NRXN3: variants seen among roughly 807,000 people sequenced by gnomAD.
NRXN3 encodes neurexin 3.
NRXN3 carries 32 observed loss-of-function variants against 137.6 expected under a neutral mutation model. The ratio of observed to expected loss-of-function variants is 0.23; its 90% CI spans 0.18 to 0.31. The LOEUF (loss-of-function observed/expected upper bound fraction) is 0.31. Ranked by LOEUF, NRXN3 falls within the 10% of genes least tolerant of loss-of-function variation. The pLI, the probability that NRXN3 is intolerant of heterozygous loss-of-function variation, is 1.00. For synonymous variants in NRXN3, 798 were observed against 784.5 expected (o/e 1.02, Z -0.29); for missense variants, 1,574 against 2,062.5 (o/e 0.76, Z 4.59).
chr14:79,225,989 G>C (rs2070788267), intron 15 of NRXN3, among the ~76,000 whole-genome samples: 1 of 152,046 alleles, frequency 6.6e-6, no homozygotes, highest in Non-Finnish European at 1.5e-5. Context: ...AGATAATCCA[G>C]GATTATCTCC....
chr14:79,183,130 T>C (rs1183650767), intron 15 of NRXN3, among the ~76,000 whole-genome samples: 1 of 152,230 alleles, frequency 6.6e-6, no homozygotes, highest in African/African-American at 2.4e-5. Flanking sequence ...ACTTTTATTT[T>C]TTATACCCTT....
intron 16 of NRXN3, among the ~76,000 whole-genome samples, chr14:79,483,971 C>A (rs757240077): frequency 3.9e-5 from 6 of 152,156 alleles, no homozygotes; most frequent in Non-Finnish European, 8.8e-5. Flanking sequence ...TGTGGGTGTC[C>A]ATATGGAAGT....
chr14:78,490,211 C>T (rs1294469008), intron 4 of NRXN3, among the ~76,000 whole-genome samples: 1 of 25,112 alleles, frequency 4.0e-5, no homozygotes, highest in Non-Finnish European at 8.5e-5. Flanking sequence ...CCACACCCGG[C>T]CTCCCAAAGT....
intron 10 of NRXN3, among the ~76,000 whole-genome samples, chr14:78,815,625 T>G (rs890546048): frequency 6.6e-6 from 1 of 152,068 alleles, no homozygotes; most frequent in African/African-American, 2.4e-5. Flanking sequence ...AGCTGCAGTT[T>G]ATTATACTGG....
intron 16 of NRXN3, among the ~76,000 whole-genome samples, chr14:79,530,593 G>GTT (rs199958147): frequency 0.023 from 3,241 of 140,464 alleles, 142 homozygotes; most frequent in East Asian, 0.18. Flanking sequence ...GAGGTTTTTT[G>GTT]TTTTTTTTTT....
intron 15 of NRXN3, among the ~76,000 whole-genome samples, chr14:79,248,279 A>G (rs1477854860): frequency 6.6e-6 from 1 of 152,046 alleles, no homozygotes; most frequent in Non-Finnish European, 1.5e-5. Flanking sequence ...ATCCCATTTC[A>G]TGCCCCCACA....
intron 15 of NRXN3, among the ~76,000 whole-genome samples, chr14:79,378,250 G>T (rs935356592): frequency 5.9e-5 from 9 of 152,160 alleles, no homozygotes; most frequent in African/African-American, 2.2e-4. Flanking sequence ...CTGAGAAAAT[G>T]TTGATGACTC....
rs1415139425 is a variant in NRXN3, at chr14:78,966,246, G to T, written c.2617G>T (p.Val873Phe). 3 of 1,614,054 alleles carry T rather than the reference G, an allele frequency of 1.9e-6. No individual in the cohort carries two copies. The highest frequency in any genetic ancestry group is 2.5e-6 in the Non-Finnish European group (3 of 1,180,032). Residue 873 changes from valine to phenylalanine, a missense_variant, in exon 12 of 21, where the codon GTC (valine) becomes TTC (phenylalanine). Around this residue, in one of 5 missense-constraint regions of NRXN3, gnomAD observed 718 missense variants for 887.6 expected, o/e 0.81. Transcript: ENST00000335750. ...FGLRNIIADP[V>F]TFKTKSSYLS... ...ACTGAGGAACATCATCGCTGACCCTGTCACCTTTAAGACCAAGAGCAGCTA... is the reference window on the plus strand; with the variant it reads ...ACTGAGGAACATCATCGCTGACCCTTTCACCTTTAAGACCAAGAGCAGCTA...
intron 15 of NRXN3, among the ~76,000 whole-genome samples, chr14:79,266,322 CAA>C (rs889074246): frequency 1.3e-5 from 2 of 151,932 alleles, no homozygotes; most frequent in Non-Finnish European, 2.9e-5. Flanking sequence ...CATGACTTTT[CAA>C]AAGCCTTCTG....
intron 15 of NRXN3, among the ~76,000 whole-genome samples, chr14:79,248,238 C>G (rs899367158): frequency 1.1e-4 from 17 of 152,136 alleles, no homozygotes; most frequent in Non-Finnish European, 2.9e-5. Flanking sequence ...CCAGGCCCTT[C>G]TTCATCTGCT....
rs80183470 is a variant in NRXN3, at chr14:79,206,265, C to G, written c.3262+218124C>G. Among the ~76,000 whole-genome samples, 1,045 of 152,224 alleles carry G rather than the reference C, an allele frequency of 6.9e-3. 15 individuals are homozygous for G. Among genetic ancestry groups the G allele is most frequent in the African/African-American group, 0.023 (970 of 41,530 alleles). The stretch of plus-strand genomic sequence containing the variant: ...GCCAGACATTCTTAAAGGATTTGCA[C>G]GTATTAATCCTTACAAGGGCCTTCG... On this transcript the variant is annotated intron_variant, in intron 15 of 20. Coordinates refer to ENST00000335750, the MANE Select transcript of NRXN3 (RefSeq NM_001330195.2).
At chr14:79,764,954 C>G (rs1473764690) in intron 19 of NRXN3, among the ~76,000 whole-genome samples, 1 of 152,104 alleles carries the variant, frequency 6.6e-6, no homozygotes, top group East Asian at 1.9e-4. Flanking sequence ...CTTTAAGGTA[C>G]TAATATTCTG....
chr14:79,605,490 C>CT (rs1226262264), intron 16 of NRXN3, among the ~76,000 whole-genome samples: 3 of 151,696 alleles, frequency 2.0e-5, no homozygotes, highest in Non-Finnish European at 2.9e-5. Flanking sequence ...AGATACTGCA[C>CT]TTTTTTTTCT....
At chr14:79,270,154 C>T (rs1220466299) in intron 15 of NRXN3, among the ~76,000 whole-genome samples, 2 of 152,164 alleles carry the variant, frequency 1.3e-5, no homozygotes, top group East Asian at 1.9e-4. Flanking sequence ...CATCCTCTTG[C>T]TTCAGGGTCC....
At chr14:79,609,894 A>G (rs767880151) in intron 16 of NRXN3, among the ~76,000 whole-genome samples, 21 of 152,074 alleles carry the variant, frequency 1.4e-4, no homozygotes, top group Non-Finnish European at 2.8e-4. Flanking sequence ...TGGGAGTTGA[A>G]CAATGAGAAA....
At chr14:78,268,810 G>T (rs1031170264) in intron 2 of NRXN3, among the ~76,000 whole-genome samples, 1 of 152,068 alleles carries the variant, frequency 6.6e-6, no homozygotes, top group Non-Finnish European at 1.5e-5. Flanking sequence ...GCAGGGGCCT[G>T]GTATACAGGA....
chr14:78,367,077 T>G (rs1283528925), intron 4 of NRXN3, among the ~76,000 whole-genome samples: 2 of 152,192 alleles, frequency 1.3e-5, no homozygotes, highest in Non-Finnish European at 2.9e-5. Flanking sequence ...TTCCTGATGC[T>G]CTCTGATTAT....
rs2097793373 is a variant in NRXN3 at position 79,590,416 on chromosome 14, T to TTAA, written c.3445-73362_3445-73361insTAA. Among the ~76,000 whole-genome samples, 4 of 92,292 alleles carry TTAA rather than the reference T, an allele frequency of 4.3e-5. No homozygotes were observed. The South Asian group carries it at 1.9e-3, about 43-fold the overall frequency. 60.5% of individuals were successfully genotyped at this position (92,292 alleles called of 152,430 possible). A position where few individuals can be genotyped will look rare whatever the true frequency, so the allele number is the denominator to read the frequency against. On this transcript the variant is annotated intron_variant, in intron 16 of 20. Transcript: ENST00000335750. Reference sequence around the variant, plus strand: ...TCCATTAAACCTTTCTTTCTTTTGTTAAAAAAAAAAAAAAAAAAAAAAGAT... The same window carrying TTAA: ...TCCATTAAACCTTTCTTTCTTTTGTTTAAAAAAAAAAAAAAAAAAAAAAAAGAT...
chr14:78,252,377 G>A (rs1245954247), intron 2 of NRXN3, among the ~76,000 whole-genome samples: 1 of 152,146 alleles, frequency 6.6e-6, no homozygotes, highest in African/African-American at 2.4e-5. Context: ...GAGAGGGAGG[G>A]ACAAGAACTG....
Sources: gnomAD v4.1 joint callset for allele counts (sites outside exome capture counted in the v4.1 genomes callset) on GRCh38, gnomAD v4.1.1 for gene constraint, gnomAD v4.1.1 regional missense constraint, MANE v1.5 for transcripts, NCBI Gene and HGNC (gene_info 2026-07-23, HGNC 2026-07-21) for gene names.